NXPE4: variants seen among roughly 807,000 people sequenced by gnomAD.
NXPE4 encodes the protein neurexophilin and PC-esterase domain family member 4.
In NXPE4, 42 loss-of-function variants were observed where a neutral mutation model predicts 33.3. That is an observed-to-expected ratio of 1.26 (90% CI 0.98 to 1.63). NXPE4 has a LOEUF of 1.63. Among genes scored for constraint, NXPE4 ranks in the 40% most tolerant of loss-of-function variants. The pLI is 0.00. For missense variants in NXPE4, 709 were observed against 647.6 expected, an observed-to-expected ratio of 1.09 and a Z score of -1.03; for synonymous variants, 253 against 234.9, an observed-to-expected ratio of 1.08 and a Z score of -0.71.
chr11:114,655,459 T>C, the NXPE4 span, among the ~76,000 whole-genome samples: 1 of 152,164 alleles, frequency 6.6e-6, no homozygotes, highest in African/African-American at 2.4e-5. Flanking sequence ...TGGTTTGAGG[T>C]TTTACATTTA....
chr11:114,616,031 C>T, the NXPE4 span, among the ~76,000 whole-genome samples: 8 of 151,692 alleles, frequency 5.3e-5, no homozygotes, highest in African/African-American at 1.9e-4. Context: ...TCGTGGGTAA[C>T]CACTCTTACC....
chr11:114,644,978 A>G, the NXPE4 span, among the ~76,000 whole-genome samples: 1 of 151,918 alleles, frequency 6.6e-6, no homozygotes, highest in East Asian at 1.9e-4. Context: ...AAAAGCATAA[A>G]CACTTAATAA....
At chr11:114,577,088 T>TATATATATAAAGTTATATATATACAC (rs1565329335) in intron 5 of NXPE4, among the ~76,000 whole-genome samples, 9 of 67,238 alleles carry the variant, frequency 1.3e-4, no homozygotes, top group African/African-American at 1.9e-4. Flanking sequence ...TATATATACA[T>TATATATATAAAGTTATATATATACAC]ATATATATAA....
chr11:114,627,014 C>T, the NXPE4 span, among the ~76,000 whole-genome samples: 1 of 151,954 alleles, frequency 6.6e-6, no homozygotes, highest in Non-Finnish European at 1.5e-5. Flanking sequence ...AAATATGGGA[C>T]TATGTGACAA....
the NXPE4 span, among the ~76,000 whole-genome samples, chr11:114,636,726 C>T: frequency 5.9e-5 from 9 of 151,908 alleles, no homozygotes; most frequent in African/African-American, 1.7e-4. Flanking sequence ...ATGTACCCAG[C>T]AGTCATTCAG....
At chr11:114,639,865 TTTA>T in the NXPE4 span, among the ~76,000 whole-genome samples, 1 of 52,656 alleles carries the variant, frequency 1.9e-5, no homozygotes, top group South Asian at 6.9e-4. Flanking sequence ...TATATTATAT[TTTA>T]TATTAAATAT....
the NXPE4 span, among the ~76,000 whole-genome samples, chr11:114,608,432 C>T: frequency 7.3e-5 from 11 of 150,450 alleles, no homozygotes; most frequent in Non-Finnish European, 1.2e-4. Flanking sequence ...AGTGTTGCCT[C>T]GCAGGAAAGC....
chr11:114,632,246 G>A, the NXPE4 span, among the ~76,000 whole-genome samples: 5 of 137,822 alleles, frequency 3.6e-5, no homozygotes, highest in South Asian at 8.7e-4. Context: ...ATATGTATAT[G>A]TGTATATATG....
At chr11:114,605,175 G>C in the NXPE4 span, among the ~76,000 whole-genome samples, 1 of 151,600 alleles carries the variant, frequency 6.6e-6, no homozygotes. Flanking sequence ...GTGTTGCCTT[G>C]TGAGAAACCA....
At chr11:114,675,429 G>A in the NXPE4 span, among the ~76,000 whole-genome samples, 1 of 151,738 alleles carries the variant, frequency 6.6e-6, no homozygotes, top group Non-Finnish European at 1.5e-5. Context: ...CCAAAAAACT[G>A]TTAGAACTGT....
At chr11:114,651,834 A>C in the NXPE4 span, among the ~76,000 whole-genome samples, 1 of 152,304 alleles carries the variant, frequency 6.6e-6, no homozygotes, top group African/African-American at 2.4e-5. Context: ...TCCTTTAGCT[A>C]GACAGAAAAG....
the NXPE4 span, among the ~76,000 whole-genome samples, chr11:114,601,994 T>G: frequency 1.2e-5 from 1 of 86,530 alleles, no homozygotes; most frequent in African/African-American, 4.7e-5. Flanking sequence ...TAATATATAA[T>G]GTATCTAATG....
chr11:114,605,906 T>G, the NXPE4 span, among the ~76,000 whole-genome samples: 1 of 139,086 alleles, frequency 7.2e-6, no homozygotes, highest in Non-Finnish European at 1.6e-5. Context: ...GTTACCCGGT[T>G]TATAATAAGT....
chr11:114,616,055 G>A, the NXPE4 span, among the ~76,000 whole-genome samples: 2 of 151,634 alleles, frequency 1.3e-5, no homozygotes, highest in Non-Finnish European at 2.9e-5. Flanking sequence ...TGGATAATAA[G>A]TATTGCCTCA....
chr11:114,619,318 GATA>G, the NXPE4 span, among the ~76,000 whole-genome samples: 2 of 152,154 alleles, frequency 1.3e-5, no homozygotes, highest in Admixed American at 1.3e-4. Context: ...TTCCCCGCTG[GATA>G]ATAAGTGTTG....
chr11:114,619,391 G>A, the NXPE4 span, among the ~76,000 whole-genome samples: 4 of 151,906 alleles, frequency 2.6e-5, no homozygotes, highest in African/African-American at 7.3e-5. Context: ...GGTAACCACT[G>A]TTACCCAGTG....
chr11:114,623,985 G>A, the NXPE4 span, among the ~76,000 whole-genome samples: 23 of 152,214 alleles, frequency 1.5e-4, no homozygotes, highest in East Asian at 4.4e-3. Flanking sequence ...ATTGCCTCGT[G>A]GGTAACCACT....
chr11:114,612,842 T>G, the NXPE4 span, among the ~76,000 whole-genome samples: 115 of 152,026 alleles, frequency 7.6e-4, 1 homozygote, highest in Middle Eastern at 0.01. Flanking sequence ...TAGTAAGTAT[T>G]GCCTTGTGGG....
chr11:114,633,188 TTTA>T, the NXPE4 span, among the ~76,000 whole-genome samples: 8 of 129,592 alleles, frequency 6.2e-5, no homozygotes, highest in East Asian at 6.6e-4. Context: ...ATGATTATAT[TTTA>T]TTATGTATAA....
Sources: allele counts gnomAD v4.1 joint callset (sites outside exome capture counted in the v4.1 genomes callset), GRCh38; gene constraint gnomAD v4.1.1; transcripts MANE v1.5; gene names NCBI Gene and HGNC (gene_info 2026-07-23, HGNC 2026-07-21).